Variants in MPP7 observed in about 807,000 individuals in gnomAD.
The protein encoded by MPP7 is MAGUK p55 subfamily member 7.
Under a neutral mutation model 76.5 loss-of-function variants are expected in MPP7, and 60 were observed. The ratio of observed to expected loss-of-function variants is 0.78; its 90% CI spans 0.64 to 0.97. MPP7 has a LOEUF of 0.97. Among genes scored for constraint, MPP7 ranks in the 50% least tolerant of loss-of-function variants. The pLI, the probability that MPP7 is intolerant of heterozygous loss-of-function variation, is 0.00. For synonymous variants in MPP7, 237 were observed against 244.5 expected (o/e 0.97, Z 0.29); for missense variants, 641 against 694.0 (o/e 0.92, Z 0.86).
rs539612472 is a variant in MPP7, at chr10:28,054,963, G to C, written c.1552-719C>G. On this transcript the variant is annotated intron_variant, in intron 16 of 16. Coordinates refer to ENST00000683449, the MANE Select transcript of MPP7 (RefSeq NM_001318170.2). The stretch of plus-strand genomic sequence containing the variant: ...CAAAGTGCTGGGATTACAGGCATGA[G>C]CCACCACGCCCGGCTGATTACCACG... Among the ~76,000 whole-genome samples, 8 of 152,274 alleles carry C rather than the reference G, an allele frequency of 5.3e-5. No homozygotes were observed. In the East Asian group the frequency reaches 1.4e-3, roughly 26 times the overall value.
At chr10:28,239,660 G>A (rs968387018) in intron 1 of MPP7, among the ~76,000 whole-genome samples, 4 of 152,044 alleles carry the variant, frequency 2.6e-5, no homozygotes, top group Non-Finnish European at 5.9e-5. Context: ...TGCTTTATCT[G>A]GAAAAATATT....
At chr10:28,170,787 T>C (rs1836654588) in intron 3 of MPP7, among the ~76,000 whole-genome samples, 1 of 152,082 alleles carries the variant, frequency 6.6e-6, no homozygotes, top group Admixed American at 6.6e-5. Context: ...AATCTGTCGG[T>C]TTCTTCCCAA....
chr10:28,240,081 A>G (rs974003892), intron 1 of MPP7, among the ~76,000 whole-genome samples: 1 of 152,180 alleles, frequency 6.6e-6, no homozygotes, highest in Admixed American at 6.5e-5. Flanking sequence ...CCCCTGGCTA[A>G]TAACAGAGAA....
At chr10:28,064,943 A>AT (rs1851932876) in intron 13 of MPP7, among the ~76,000 whole-genome samples, 1 of 152,226 alleles carries the variant, frequency 6.6e-6, no homozygotes, top group Non-Finnish European at 1.5e-5. Flanking sequence ...TACTGAGGGT[A>AT]TATAACACGA....
chr10:28,316,964 G>A (rs1834327026), intron 2 of MPP7, among the ~76,000 whole-genome samples: 1 of 152,160 alleles, frequency 6.6e-6, no homozygotes, highest in South Asian at 2.1e-4. Context: ...TCAGGGTTCT[G>A]TGGGAGAATC....
chr10:28,194,085 A>G, intron 3 of MPP7, among the ~76,000 whole-genome samples: 1 of 152,034 alleles, frequency 6.6e-6, no homozygotes, highest in East Asian at 1.9e-4. Context: ...CACAATCTCA[A>G]CTCACTGCAA....
chr10:28,058,628 A>G (rs779650630), intron 14 of MPP7, 25 bp from the exon 15 acceptor site: 1 of 1,259,972 alleles, frequency 7.9e-7, no homozygotes, highest in East Asian at 2.5e-5. Context: ...ATGCATTGGA[A>G]TCATTTGTGA....
chr10:28,094,156 C>CAA (rs1330368757), intron 11 of MPP7, among the ~76,000 whole-genome samples: 1 of 152,190 alleles, frequency 6.6e-6, no homozygotes, highest in Non-Finnish European at 1.5e-5. Context: ...TGCACTTGTT[C>CAA]ACATCGGTTT....
At chr10:28,125,271 A>C (rs1834982386) in intron 6 of MPP7, among the ~76,000 whole-genome samples, 180 bp from the exon 7 acceptor site, 1 of 152,226 alleles carries the variant, frequency 6.6e-6, no homozygotes, top group South Asian at 2.1e-4. Context: ...TCTCATGACT[A>C]AATAGAGGAA....
intron 11 of MPP7, among the ~76,000 whole-genome samples, chr10:28,096,326 A>T (rs1432860146): frequency 6.6e-6 from 1 of 152,180 alleles, no homozygotes; most frequent in African/African-American, 2.4e-5. Context: ...AAGGACTTCT[A>T]ATCTCTTCTT....
At chr10:28,075,672 CCTGA>C (rs1208474912) in intron 12 of MPP7, among the ~76,000 whole-genome samples, 8 of 152,234 alleles carry the variant, frequency 5.3e-5, no homozygotes, top group African/African-American at 1.7e-4. Context: ...TGTCTTCTCA[CCTGA>C]CTAATTCTCG....
chr10:28,288,218 T>C (rs951752590), intron 1 of MPP7, among the ~76,000 whole-genome samples: 12 of 152,220 alleles, frequency 7.9e-5, no homozygotes, highest in Non-Finnish European at 1.6e-4. Flanking sequence ...TTTATGTTCA[T>C]ATACAAAAGG....
intron 2 of MPP7, among the ~76,000 whole-genome samples, chr10:28,318,856 C>T (rs1195968695): frequency 6.6e-6 from 1 of 152,196 alleles, no homozygotes; most frequent in Admixed American, 6.5e-5. Context: ...TGTGTGTTTT[C>T]TCTTCACAAG....
chr10:28,219,918 T>C (rs983085807), intron 2 of MPP7, among the ~76,000 whole-genome samples: 1 of 152,140 alleles, frequency 6.6e-6, no homozygotes, highest in Non-Finnish European at 1.5e-5. Flanking sequence ...AAGTATGTTT[T>C]ATTTCCAAAA....
At chr10:28,243,927 AC>A (rs1439967965) in intron 1 of MPP7, among the ~76,000 whole-genome samples, 2 of 152,210 alleles carry the variant, frequency 1.3e-5, no homozygotes, top group East Asian at 3.8e-4. Context: ...AACCAATATA[AC>A]CCACATAATC....
chr10:28,083,118 G>A (rs186432848), intron 12 of MPP7, among the ~76,000 whole-genome samples: 20 of 152,236 alleles, frequency 1.3e-4, no homozygotes, highest in South Asian at 8.3e-4. Context: ...TTGTCCCAGA[G>A]GCTCATCTCT....
At chr10:28,099,818 A>T (rs1002700834) in intron 11 of MPP7, among the ~76,000 whole-genome samples, 16 of 152,224 alleles carry the variant, frequency 1.1e-4, no homozygotes, top group Non-Finnish European at 1.6e-4. Flanking sequence ...CCAAAAAAAA[A>T]AATAAATAAA....
At chr10:28,118,601 C>T (rs10826402) in intron 11 of MPP7, 160,500 of 985,080 alleles carry the variant, frequency 0.16, 18,500 homozygotes, top group East Asian at 0.88. Flanking sequence ...AATATTCTCA[C>T]GAAAGCTTTA....
rs1652997107 is a variant in MPP7, at chr10:28,107,274, A to G, written c.952+12377T>C. ...CAGCTCTAATGGCCTCTCTTGTGGG[A>G]CTGGGTCCCTGGTTGCTTCAGGCTA... is the stretch of plus-strand genomic sequence containing the variant. On this transcript the variant is annotated intron_variant, in intron 11 of 16. Transcript: ENST00000683449. Among the ~76,000 whole-genome samples, 2 of 152,098 alleles carry G rather than the reference A, an allele frequency of 1.3e-5. 1 individual carries two copies. Among genetic ancestry groups the G allele is most frequent in the South Asian group, 4.1e-4 (2 of 4,828 alleles).
Sources: allele counts gnomAD v4.1 joint callset (sites outside exome capture counted in the v4.1 genomes callset), GRCh38; gene constraint gnomAD v4.1.1; transcripts MANE v1.5; gene names NCBI Gene and HGNC (gene_info 2026-07-23, HGNC 2026-07-21).